POU2F3: variants seen among roughly 807,000 people sequenced by gnomAD.
POU2F3 encodes POU domain, class 2, transcription factor 3.
A neutral mutation model predicts 59.2 loss-of-function variants in POU2F3; 23 were observed. The ratio of observed to expected loss-of-function variants is 0.39; its 90% CI spans 0.28 to 0.55. The LOEUF (loss-of-function observed/expected upper bound fraction) is 0.55. Ranked by LOEUF, POU2F3 falls within the 20% of genes least tolerant of loss-of-function variation. The pLI is 0.66. For synonymous variants in POU2F3, 190 were observed against 214.6 expected, an observed-to-expected ratio of 0.89 and a Z score of 1.00; for missense variants, 473 against 544.5, an observed-to-expected ratio of 0.87 and a Z score of 1.31.
chr11:120,287,963 A>G (rs1940843880), intron 3 of POU2F3, among the ~76,000 whole-genome samples: 1 of 151,932 alleles, frequency 6.6e-6, no homozygotes, highest in Non-Finnish European at 1.5e-5. Flanking sequence ...AACCCTTAGC[A>G]GATAAAAGTG....
intron 1 of POU2F3, 148 bp downstream of exon 1, chr11:120,240,519 T>A (rs1239524698): frequency 2.2e-6 from 2 of 908,860 alleles, no homozygotes; most frequent in South Asian, 1.0e-4. Context: ...CTGGGGTGGG[T>A]GCCGGTCAGT....
At chr11:120,278,286 A>T (rs1337027754) in intron 3 of POU2F3, among the ~76,000 whole-genome samples, 2 of 152,182 alleles carry the variant, frequency 1.3e-5, no homozygotes, top group Non-Finnish European at 2.9e-5. Context: ...ACAGCGCAAG[A>T]TGTCTAGAGT....
At chr11:120,279,843 A>C (rs1940491507) in intron 3 of POU2F3, among the ~76,000 whole-genome samples, 1 of 152,136 alleles carries the variant, frequency 6.6e-6, no homozygotes, top group Non-Finnish European at 1.5e-5. Context: ...ACAGCCCCAA[A>C]CACCACCAAA....
At chr11:120,317,914 C>A (rs1281419773) in intron 12 of POU2F3, among the ~76,000 whole-genome samples, 1 of 152,146 alleles carries the variant, frequency 6.6e-6, no homozygotes, top group Non-Finnish European at 1.5e-5. Context: ...AGAGATTCTG[C>A]CCTGATTCAG....
chr11:120,308,395 A>G lies in POU2F3; in HGVS notation c.906+780A>G, dbSNP rs116427384. 7.7e-3 allele frequency among the ~76,000 whole-genome samples: 1,174 copies of G among 152,304 alleles called. 20 individuals are homozygous for G. Among genetic ancestry groups the G allele is most frequent in the African/African-American group, 0.026 (1,097 of 41,566 alleles). On this transcript the variant is annotated intron_variant, in intron 9 of 12. Coordinates refer to ENST00000543440, the MANE Select transcript of POU2F3 (RefSeq NM_014352.4). ...CAGATTCCTCGCACATTTAGCTCAA[A>G]GATTTGGTGCCCATATCCAGCTAGC...
upstream of POU2F3, among the ~76,000 whole-genome samples, chr11:120,239,041 G>T (rs116832155): frequency 7.5e-3 from 1,149 of 152,242 alleles, 16 homozygotes; most frequent in African/African-American, 0.027. Context: ...GTTATCGTGG[G>T]CATGACTGGA....
chr11:120,291,619 G>A (rs2135264096), intron 3 of POU2F3, among the ~76,000 whole-genome samples: 1 of 152,272 alleles, frequency 6.6e-6, no homozygotes, highest in African/African-American at 2.4e-5. Flanking sequence ...CAGAAATATG[G>A]AGTCAGACCA....
upstream of POU2F3, among the ~76,000 whole-genome samples, chr11:120,237,345 G>A (rs543366521): frequency 1.3e-4 from 19 of 151,380 alleles, no homozygotes; most frequent in South Asian, 2.1e-4. Context: ...CTTCTGCCCC[G>A]TTCATCCTCC....
intron 2 of POU2F3, chr11:120,254,290 AC>A (rs1939240828): frequency 6.6e-6 from 1 of 152,338 alleles, no homozygotes; most frequent in African/African-American, 2.4e-5. Flanking sequence ...GTCTGTCCCA[AC>A]CCAGCCCCCA....
At chr11:120,279,393 C>T (rs185940921) in intron 3 of POU2F3, among the ~76,000 whole-genome samples, 1 of 152,256 alleles carries the variant, frequency 6.6e-6, no homozygotes, top group East Asian at 1.9e-4. Context: ...TACAATAACG[C>T]ACCAATAAAC....
intron 2 of POU2F3, among the ~76,000 whole-genome samples, chr11:120,255,717 C>G (rs1402052593): frequency 6.6e-6 from 1 of 152,146 alleles, no homozygotes; most frequent in South Asian, 2.1e-4. Flanking sequence ...CGGCGCTGGG[C>G]TGGGTGTTAT....
At chr11:120,305,528 T>C in intron 7 of POU2F3, 116 bp from the exon 8 acceptor site, 1 of 1,437,076 alleles carries the variant, frequency 7.0e-7, no homozygotes, top group Admixed American at 2.0e-5. Flanking sequence ...CGAGCATGGG[T>C]GAGCACTCAA....
intron 2 of POU2F3, 115 bp downstream of exon 2, chr11:120,246,632 C>T: frequency 9.1e-7 from 1 of 1,100,792 alleles, no homozygotes; most frequent in Non-Finnish European, 1.3e-6. Flanking sequence ...GACCCCAAAG[C>T]TAGGTCTTAG....
rs1276587085 is a variant in POU2F3 at position 120,248,163 on chromosome 11, G to A, written c.97+1646G>A. ...TTAAGAGAGAAAGAATCCAGACATT[G>A]GCTAAGACCTTCAGAATCTGTCTCT... On this transcript the variant is annotated intron_variant, in intron 2 of 12. Coordinates refer to ENST00000543440, the MANE Select transcript of POU2F3 (RefSeq NM_014352.4). Among the ~76,000 whole-genome samples, 3 of 152,208 alleles carry A rather than the reference G, an allele frequency of 2.0e-5. No individual in the cohort carries two copies. The East Asian group carries it at 5.8e-4, about 29-fold the overall frequency.
chr11:120,274,148 G>T (rs1337947894), intron 3 of POU2F3, among the ~76,000 whole-genome samples: 49 of 148,232 alleles, frequency 3.3e-4, no homozygotes. Context: ...AGGAAGGAAG[G>T]AAGGAAGGAA....
intron 2 of POU2F3, among the ~76,000 whole-genome samples, chr11:120,264,818 C>G (rs954041112): frequency 6.6e-6 from 1 of 152,210 alleles, no homozygotes; most frequent in Non-Finnish European, 1.5e-5. Context: ...TCTAAGCATA[C>G]CCTGCTGCTC....
At chr11:120,262,617 A>T (rs763838751) in intron 2 of POU2F3, among the ~76,000 whole-genome samples, 1 of 152,270 alleles carries the variant, frequency 6.6e-6, no homozygotes, top group Non-Finnish European at 1.5e-5. Context: ...ATGGTAAAGT[A>T]TCTTAAAATA....
chr11:120,302,240 C>G, intron 5 of POU2F3, 46 bp from the exon 6 acceptor site: 2 of 1,504,692 alleles, frequency 1.3e-6, no homozygotes, highest in Non-Finnish European at 1.8e-6. Flanking sequence ...TTTCAAATAG[C>G]CTGGATTTTA....
chr11:120,238,627 G>C (rs1363337192), upstream of POU2F3, among the ~76,000 whole-genome samples: 1 of 151,922 alleles, frequency 6.6e-6, no homozygotes. Flanking sequence ...ACGAGGTCAG[G>C]AGATCGAGAC....
Sources: allele counts gnomAD v4.1 joint callset (sites outside exome capture counted in the v4.1 genomes callset), GRCh38; gene constraint gnomAD v4.1.1; transcripts MANE v1.5; gene names NCBI Gene and HGNC (gene_info 2026-07-23, HGNC 2026-07-21).